CFAP53: variants seen among roughly 807,000 people sequenced by gnomAD.
CFAP53 encodes cilia- and flagella-associated protein 53.
In CFAP53, 62 loss-of-function variants were observed where a neutral mutation model predicts 59.7. The ratio of observed to expected loss-of-function variants is 1.04; its 90% CI spans 0.85 to 1.28. The LOEUF (loss-of-function observed/expected upper bound fraction) is 1.28, where lower values mean the gene tolerates loss of function less well. Ranked by LOEUF, CFAP53 falls within the 50% of genes most tolerant of loss-of-function variation. The pLI is 0.00. For synonymous variants in CFAP53, 218 were observed against 205.7 expected (o/e 1.06, Z -0.51); for missense variants, 629 against 615.6 (o/e 1.02, Z -0.23).
chr18:50,235,176 A>C lies in CFAP53; in HGVS notation c.1316+3427T>G, dbSNP rs1202629121. 2.0e-5 allele frequency among the ~76,000 whole-genome samples: 3 copies of C among 152,362 alleles called. No individual in the cohort carries two copies. The East Asian group carries it at 5.8e-4, about 29-fold the overall frequency. On this transcript the variant is annotated intron_variant, in intron 7 of 7. Coordinates refer to ENST00000398545, the MANE Select transcript of CFAP53 (RefSeq NM_145020.5). ...ACATCAAAGTATTAGAGGGCCCTCA[A>C]AAAGGAGTTCCTGAAGATTCCTTTC...
At chr18:50,227,955 C>CTTTTTTTTTTTTTTTTTTTTTTTTTTT (rs1191228047) in intron 7 of CFAP53, among the ~76,000 whole-genome samples, 2 of 90,090 alleles carry the variant, frequency 2.2e-5, no homozygotes, top group African/African-American at 4.4e-5. Flanking sequence ...AACTTTTCTC[C>CTTTTTTTTTTTTTTTTTTTTTTTTTTT]TTTTTTTTTT....
chr18:50,241,242 A>G (rs186329275), intron 6 of CFAP53, among the ~76,000 whole-genome samples: 63 of 152,344 alleles, frequency 4.1e-4, no homozygotes, highest in Non-Finnish European at 7.6e-4. Flanking sequence ...ACCAATGTGG[A>G]TTGAATGTAA....
At chr18:50,247,450 C>G (rs528237349) in intron 5 of CFAP53, among the ~76,000 whole-genome samples, 21 of 152,312 alleles carry the variant, frequency 1.4e-4, no homozygotes, top group African/African-American at 4.6e-4. Flanking sequence ...AGTACTACTT[C>G]TAGATACATG....
intron 1 of CFAP53, among the ~76,000 whole-genome samples, chr18:50,265,501 G>A (rs1458412579): frequency 6.6e-6 from 1 of 152,142 alleles, no homozygotes; most frequent in African/African-American, 2.4e-5. Context: ...TACTTGACTT[G>A]TATAAGCTCC....
intron 3 of CFAP53, among the ~76,000 whole-genome samples, chr18:50,253,905 A>G (rs2033823752): frequency 6.6e-6 from 1 of 152,190 alleles, no homozygotes; most frequent in South Asian, 2.1e-4. Flanking sequence ...AACACCCCAA[A>G]ACAAACCCTC....
chr18:50,265,263 T>A (rs2033935249), intron 1 of CFAP53, among the ~76,000 whole-genome samples: 1 of 152,172 alleles, frequency 6.6e-6, no homozygotes, highest in Non-Finnish European at 1.5e-5. Context: ...ACACCTGACC[T>A]CATGTAAGGG....
chr18:50,227,483 C>G lies in CFAP53; in HGVS notation c.1443G>C (p.Lys481Asn), dbSNP rs1011860868. The G allele has an allele frequency of 6.2e-6, 10 of 1,614,068 alleles. No individual in the cohort carries two copies. In the African/African-American group the frequency reaches 1.2e-4, roughly 19 times the overall value. ...CCTCCTGGACCTTGTCCAAACACATCTTGTTTGCTGCTACACCTGCTTCAA... is the reference window on the plus strand; with the variant it reads ...CCTCCTGGACCTTGTCCAAACACATGTTGTTTGCTGCTACACCTGCTTCAA... The part of the protein sequence containing the change: ...REFEAGVAAN[K>N]MCLDKVQEVL... The change falls in exon 8 of 8, where the codon AAG becomes AAC. Residue 481 changes from lysine (K) to asparagine (N), a missense_variant. Physicochemically the swap from Lys to Asn is moderately conservative, Grantham distance 94. Transcript: ENST00000398545.
At chr18:50,254,802 A>AC (rs1191132205) in intron 3 of CFAP53, among the ~76,000 whole-genome samples, 1 of 152,152 alleles carries the variant, frequency 6.6e-6, no homozygotes, top group East Asian at 1.9e-4. Context: ...GAGGTAGGAG[A>AC]ATCACTTGAA....
intron 5 of CFAP53, among the ~76,000 whole-genome samples, chr18:50,246,119 A>G (rs1376414807): frequency 6.6e-6 from 1 of 151,850 alleles, no homozygotes; most frequent in African/African-American, 2.4e-5. Flanking sequence ...CAAACTCCTG[A>G]CCTCAGGTGA....
chr18:50,250,662 T>C (rs2033789158), intron 5 of CFAP53, 96 bp downstream of exon 5: 1 of 913,612 alleles, frequency 1.1e-6, no homozygotes, highest in East Asian at 2.4e-5. Context: ...ACACTCAGAG[T>C]AGCACTGCTA....
chr18:50,266,182 T>C (rs1480656868), intron 1 of CFAP53, among the ~76,000 whole-genome samples, 154 bp downstream of exon 1: 1 of 152,198 alleles, frequency 6.6e-6, no homozygotes, highest in African/African-American at 2.4e-5. Context: ...TGAGCGACCT[T>C]ATCTTCCTTC....
intron 7 of CFAP53, among the ~76,000 whole-genome samples, chr18:50,233,732 T>C (rs2033604229): frequency 6.6e-6 from 1 of 152,220 alleles, no homozygotes; most frequent in Non-Finnish European, 1.5e-5. Flanking sequence ...GTTGCTAACA[T>C]AACACACAGC....
Position 50,266,337 on chromosome 18 carries a change from A to T in CFAP53, c.68T>A (p.Val23Glu). The T allele has an allele frequency of 6.2e-7, 1 of 1,614,174 alleles. No homozygotes were observed. The highest frequency in any genetic ancestry group is 8.5e-7 in the Non-Finnish European group (1 of 1,179,974). Residue 23 changes from valine to glutamate, a missense_variant and splice_region_variant, in exon 1 of 8, where the codon GTG (valine) becomes GAG (glutamate). Coordinates refer to ENST00000398545, the MANE Select transcript of CFAP53 (RefSeq NM_145020.5). ...VKGPTPKVVIVRSKPPKGQGA... is the reference protein window; with the variant it reads ...VKGPTPKVVIERSKPPKGQGA... ...CTGGCAGACATATCCTGTGCTTACC[A>T]CGATCACCACTTTGGGGGTGGGGCC... is the stretch of plus-strand genomic sequence containing the variant.
intron 5 of CFAP53, among the ~76,000 whole-genome samples, chr18:50,250,043 ACCCTGTCT>A (rs2033782322): frequency 6.6e-6 from 1 of 151,944 alleles, no homozygotes; most frequent in Non-Finnish European, 1.5e-5. Flanking sequence ...ACTTGGCAAA[ACCCTGTCT>A]CTACAAAAAA....
At position 50,247,804 on chromosome 18, in the gene CFAP53, G is replaced by A. The variant is rs146104464; in HGVS notation, c.996+2954C>T. Among the ~76,000 whole-genome samples, 41 of 152,308 alleles carry A rather than the reference G, an allele frequency of 2.7e-4. 1 individual carries two copies. In the East Asian group the frequency reaches 7.7e-3, roughly 29 times the overall value. ...GATAAGTGGCTGCTTAGGACTGGAG[G>A]CAGGAGGTGGGGAAGAAGGGATAGC... On this transcript the variant is annotated intron_variant, in intron 5 of 7. Transcript: ENST00000398545.
intron 3 of CFAP53, among the ~76,000 whole-genome samples, chr18:50,253,017 T>A (rs1309304638): frequency 9.2e-5 from 14 of 151,438 alleles, no homozygotes; most frequent in Non-Finnish European, 1.6e-4. Context: ...AGACCCTGTT[T>A]CTTTTTTTTT....
chr18:50,239,926 T>C (rs1028450312), intron 6 of CFAP53, among the ~76,000 whole-genome samples: 1 of 152,256 alleles, frequency 6.6e-6, no homozygotes, highest in Non-Finnish European at 1.5e-5. Context: ...GTTTTTTCAA[T>C]ATTTTCTATA....
chr18:50,238,978 C>T (rs1423222709), intron 6 of CFAP53, among the ~76,000 whole-genome samples: 2 of 151,462 alleles, frequency 1.3e-5, no homozygotes, highest in Non-Finnish European at 2.9e-5. Flanking sequence ...TAAAATACTT[C>T]CTACTTTTCT....
chr18:50,236,185 T>C (rs1232027509), intron 7 of CFAP53, among the ~76,000 whole-genome samples: 1 of 152,198 alleles, frequency 6.6e-6, no homozygotes, highest in African/African-American at 2.4e-5. Context: ...CTTGGTGTTA[T>C]CAAGTAGCCC....
Sources: gnomAD v4.1 joint callset for allele counts (sites outside exome capture counted in the v4.1 genomes callset) on GRCh38, gnomAD v4.1.1 for gene constraint, MANE v1.5 for transcripts, NCBI Gene and HGNC (gene_info 2026-07-23, HGNC 2026-07-21) for gene names.